ARVCF: variants seen among roughly 807,000 people sequenced by gnomAD.
ARVCF encodes the protein ARVCF delta catenin family member, also known as splicing regulator ARVCF.
Under a neutral mutation model 90.9 loss-of-function variants are expected in ARVCF, and 66 were observed. That is an observed-to-expected ratio of 0.73 (90% CI 0.60 to 0.89). The LOEUF (loss-of-function observed/expected upper bound fraction) is 0.89, where lower values mean the gene tolerates loss of function less well. Among genes scored for constraint, ARVCF ranks in the 40% least tolerant of loss-of-function variants. The pLI, the probability that ARVCF is intolerant of heterozygous loss-of-function variation, is 0.00. For missense variants in ARVCF, 1,469 were observed against 1,382.3 expected (o/e 1.06, Z -1.00); for synonymous variants, 653 against 603.4 (o/e 1.08, Z -1.21).
chr22:20,015,314 C>G (rs774582685), intron 1 of ARVCF, among the ~76,000 whole-genome samples: 2 of 152,138 alleles, frequency 1.3e-5, no homozygotes, highest in Non-Finnish European at 2.9e-5. Context: ...GCAGACATTG[C>G]GGATAGGATG....
In ARVCF at chr22:19,981,639, G is replaced by C. The variant is rs878893854; in HGVS notation, c.468C>G (p.Gly156=). Residue 156 remains glycine, a synonymous_variant, in exon 5 of 20, where the codon GGC becomes GGG. Coordinates refer to ENST00000263207, the MANE Select transcript of ARVCF (RefSeq NM_001670.3). ...GGTCCAGGGCACCATCTGCAAAAGG[G>C]CCTAGTGGGGGGCCGCCATCCAGCA... ...LPLLDGGPPL[G]PFADGALDRH... 6.2e-7 allele frequency: 1 copy of C among 1,609,354 alleles called. No individual in the cohort carries two copies. The highest frequency in any genetic ancestry group is 1.1e-5 in the South Asian group (1 of 90,986).
chr22:19,977,973 C>A lies in ARVCF; in HGVS notation c.1683G>T (p.Lys561Asn). ...LHALQSAVGRKDTDNKSVENC... is the reference protein window; with the variant it reads ...LHALQSAVGRNDTDNKSVENC... The stretch of plus-strand genomic sequence containing the variant: ...CCCTGCCCACCTTGTTGTCAGTGTC[C>A]TTCCGGCCCACAGCCGACTGCAGGG... The change falls in exon 8 of 20, where the codon AAG becomes AAT. Residue 561 changes from lysine (K) to asparagine (N), a missense_variant. Physicochemically the swap from Lys to Asn is moderately conservative, Grantham distance 94. Coordinates refer to ENST00000263207, the MANE Select transcript of ARVCF (RefSeq NM_001670.3). 6.2e-7 allele frequency: 1 copy of A among 1,609,004 alleles called. No homozygotes were observed. Among genetic ancestry groups the A allele is most frequent in the Non-Finnish European group, 8.5e-7 (1 of 1,177,828 alleles).
At chr22:19,975,317 G>A (rs900910311) in intron 11 of ARVCF, among the ~76,000 whole-genome samples, 5 of 152,302 alleles carry the variant, frequency 3.3e-5, no homozygotes, top group South Asian at 4.1e-4. Context: ...GAGCATGCCC[G>A]CCTGGCTCCC....
Position 19,973,304 on chromosome 22 carries a change from C to A in ARVCF, c.2253G>T (p.Met751Ile). The A allele has an allele frequency of 6.3e-7, 1 of 1,599,720 alleles. No homozygotes were observed. Reference protein sequence around the residue: ...RNKDLIGSYAMAELVRNVRNA... With the variant: ...RNKDLIGSYAIAELVRNVRNA... ...TGCGCACATTCCGCACAAGCTCAGC[C>A]ATGGCGTAGCTCCCTGAGGGGCAGG... The change falls in exon 14 of 20, where the codon ATG becomes ATT. Residue 751 changes from methionine to isoleucine, a missense_variant. Coordinates refer to ENST00000263207, the MANE Select transcript of ARVCF (RefSeq NM_001670.3).
At position 19,970,655 on chromosome 22, in the gene ARVCF, A is replaced by C; in HGVS notation, c.*101T>G. The C allele has an allele frequency of 1.6e-6, 2 of 1,284,634 alleles. No homozygotes were observed. Among genetic ancestry groups the C allele is most frequent in the South Asian group, 2.5e-5 (2 of 80,332 alleles). 79.6% of individuals were successfully genotyped at this position (1,284,634 alleles called of 1,614,324 possible). A position where few individuals can be genotyped will look rare whatever the true frequency, so the allele number is the denominator to read the frequency against. The stretch of plus-strand genomic sequence containing the variant: ...CGAGGCGCTGCCAACCCCTGCCGCC[A>C]GGGGGCTCCAAGCTCCACGGCACGA... On this transcript the variant is annotated 3_prime_UTR_variant, in exon 20 of 20. Coordinates refer to ENST00000263207, the MANE Select transcript of ARVCF (RefSeq NM_001670.3).
At position 19,973,682 on chromosome 22, in the gene ARVCF, G is replaced by A. The variant is rs1299818119; in HGVS notation, c.2200C>T (p.Arg734Cys). Residue 734 changes from arginine to cysteine, a missense_variant, in exon 13 of 20, where the codon CGC becomes TGC. Coordinates refer to ENST00000263207, the MANE Select transcript of ARVCF (RefSeq NM_001670.3). ...KVVRAVAIAL[R>C]NLSLDRRNKD... Reference sequence around the variant, plus strand: ...TTGCGCCGGTCCAGCGAGAGGTTGCGCAGAGCGATGGCGACGGCGCGCACC... The same window carrying A: ...TTGCGCCGGTCCAGCGAGAGGTTGCACAGAGCGATGGCGACGGCGCGCACC... 1.9e-6 allele frequency: 3 copies of A among 1,610,376 alleles called. No individual in the cohort carries two copies. Among genetic ancestry groups the A allele is most frequent in the Admixed American group, 3.3e-5 (2 of 59,968 alleles).
chr22:19,989,420 T>C (rs572603918), intron 3 of ARVCF, among the ~76,000 whole-genome samples: 38 of 151,030 alleles, frequency 2.5e-4, no homozygotes, highest in Admixed American at 8.6e-4. Flanking sequence ...ACTCAAGGAG[T>C]AGTCACCAAC....
rs1191857194 is a variant in ARVCF at position 19,971,910 on chromosome 22, C to T, written c.2757G>A (p.Glu919=). Residue 919 remains glutamate (E), a synonymous_variant, in exon 18 of 20, where the codon GAG becomes GAA. Coordinates refer to ENST00000263207, the MANE Select transcript of ARVCF (RefSeq NM_001670.3). Reference sequence around the variant, plus strand: ...CTTTCAAGGGTTCCTTCTCAGAGGCCTCTCCTGCAGAGCTGGCGCCCCGTG... The same window carrying T: ...CTTTCAAGGGTTCCTTCTCAGAGGCTTCTCCTGCAGAGCTGGCGCCCCGTG... ...RRPRGASSAG[E]ASEKEPLKLD... is the part of the protein sequence containing the mutation. The T allele has an allele frequency of 1.2e-6, 2 of 1,613,232 alleles. No homozygotes were observed. The highest frequency in any genetic ancestry group is 1.7e-5 in the Admixed American group (1 of 59,990).
At chr22:20,015,821 C>G (rs1234186957) in intron 1 of ARVCF, among the ~76,000 whole-genome samples, 1 of 152,070 alleles carries the variant, frequency 6.6e-6, no homozygotes, top group Non-Finnish European at 1.5e-5. Context: ...GAGCTGAAGT[C>G]CTTTAGTTCC....
intron 11 of ARVCF, among the ~76,000 whole-genome samples, chr22:19,974,643 G>A (rs541503501): frequency 1.6e-4 from 24 of 152,092 alleles, no homozygotes; most frequent in East Asian, 1.4e-3. Context: ...GTAACTGAGA[G>A]TTGTATAACC....
rs143378665 is a variant in ARVCF, at chr22:19,970,273, C to A, written c.*483G>T. The A allele has an allele frequency of 3.5e-4, 347 of 993,128 alleles. No individual in the cohort carries two copies. Among genetic ancestry groups the A allele is most frequent in the Non-Finnish European group, 4.0e-4 (332 of 833,832 alleles). The allele number at this position is 993,128 out of a possible 1,614,324, so 61.5% of individuals were successfully genotyped here. On this transcript the variant is annotated 3_prime_UTR_variant, in exon 20 of 20. Transcript: ENST00000263207. ...GGGGCACCCCCCACACCGTGGTCTGCCTGCCTGCAGGGTGCCCAGGGAGAC... is the reference window on the plus strand; with the variant it reads ...GGGGCACCCCCCACACCGTGGTCTGACTGCCTGCAGGGTGCCCAGGGAGAC...
chr22:20,013,678 C>T (rs570035821), intron 1 of ARVCF, among the ~76,000 whole-genome samples: 1 of 152,226 alleles, frequency 6.6e-6, no homozygotes, highest in South Asian at 2.1e-4. Flanking sequence ...AGGGCCTGTG[C>T]ATAACTGGTT....
At chr22:19,972,450 C>G (rs375556189) in intron 16 of ARVCF, 39 bp from the exon 17 acceptor site, 1 of 1,612,034 alleles carries the variant, frequency 6.2e-7, no homozygotes, top group East Asian at 2.2e-5. Flanking sequence ...CATGTGGCAG[C>G]CAGGGGGGAT....
chr22:19,974,728 A>T (rs1194258383), intron 11 of ARVCF, among the ~76,000 whole-genome samples: 1 of 152,068 alleles, frequency 6.6e-6, no homozygotes, highest in Non-Finnish European at 1.5e-5. Flanking sequence ...CCCCCTAGCA[A>T]CAGGGCCCAC....
intron 3 of ARVCF, among the ~76,000 whole-genome samples, chr22:19,985,041 C>T (rs1488015666): frequency 6.6e-6 from 1 of 152,162 alleles, no homozygotes; most frequent in Non-Finnish European, 1.5e-5. Context: ...CTGACGTGCA[C>T]CTGCCCAGGC....
intron 11 of ARVCF, among the ~76,000 whole-genome samples, chr22:19,974,779 C>G (rs977037257): frequency 6.6e-6 from 1 of 152,046 alleles, no homozygotes; most frequent in African/African-American, 2.4e-5. Flanking sequence ...TGTAAGTCAA[C>G]TGATGCAGTG....
intron 3 of ARVCF, among the ~76,000 whole-genome samples, chr22:19,986,406 C>G (rs1943767271): frequency 6.6e-6 from 1 of 152,190 alleles, no homozygotes; most frequent in Admixed American, 6.5e-5. Flanking sequence ...GAGCAGAGGA[C>G]AAACTGCCTA....
chr22:20,012,088 C>CAA (rs934453463), intron 1 of ARVCF, among the ~76,000 whole-genome samples: 1 of 139,130 alleles, frequency 7.2e-6, no homozygotes, highest in African/African-American at 2.5e-5. Context: ...GTCCCCCCCC[C>CAA]CCACCCAGTT....
At chr22:19,998,476 G>C (rs1195703058) in intron 2 of ARVCF, among the ~76,000 whole-genome samples, 1 of 152,178 alleles carries the variant, frequency 6.6e-6, no homozygotes, top group Non-Finnish European at 1.5e-5. Flanking sequence ...TGAGGTAGGA[G>C]AGCCTTCAGG....
Sources: gnomAD v4.1 joint callset for allele counts (sites outside exome capture counted in the v4.1 genomes callset) on GRCh38, gnomAD v4.1.1 for gene constraint, MANE v1.5 for transcripts, NCBI Gene and HGNC (gene_info 2026-07-23, HGNC 2026-07-21) for gene names.